The following CACNA2D3 variants were observed in gnomAD, a reference collection of about 807,000 sequenced individuals.
The protein encoded by CACNA2D3 is voltage-dependent calcium channel subunit alpha-2/delta-3.
CACNA2D3 carries 60 observed loss-of-function variants against 160.6 expected under a neutral mutation model. That is an observed-to-expected ratio of 0.37 (90% CI 0.30 to 0.46). The LOEUF is 0.46. Among genes scored for constraint, CACNA2D3 ranks in the 20% least tolerant of loss-of-function variants. The pLI is 1.00. For synonymous variants in CACNA2D3, 558 were observed against 492.9 expected (o/e 1.13, Z -1.75); for missense variants, 1,205 against 1,365.0 (o/e 0.88, Z 1.85).
At chr3:54,920,724 A>G (rs1695962597) in intron 27 of CACNA2D3, among the ~76,000 whole-genome samples, 2 of 152,262 alleles carry the variant, frequency 1.3e-5, no homozygotes, top group Non-Finnish European at 2.9e-5. Flanking sequence ...CGTGATATTT[A>G]ATCCAGCCAG....
At chr3:54,727,988 G>T (rs937044567) in intron 11 of CACNA2D3, among the ~76,000 whole-genome samples, 3 of 152,050 alleles carry the variant, frequency 2.0e-5, no homozygotes, top group Non-Finnish European at 4.4e-5. Flanking sequence ...TTGCTTTTTA[G>T]TATGTTTTTT....
chr3:54,434,367 C>T (rs1700031784), intron 4 of CACNA2D3, among the ~76,000 whole-genome samples: 1 of 152,166 alleles, frequency 6.6e-6, no homozygotes, highest in African/African-American at 2.4e-5. Context: ...CCACACCCAC[C>T]CAGCAGCAGT....
intron 8 of CACNA2D3, 80 bp from the exon 9 acceptor site, chr3:54,581,723 G>T: frequency 8.7e-7 from 1 of 1,147,364 alleles, no homozygotes; most frequent in Admixed American, 2.0e-5. Context: ...TTTTGTTTGT[G>T]TGCGTACCTC....
chr3:54,162,172 G>C (rs904574964), intron 2 of CACNA2D3, among the ~76,000 whole-genome samples: 7 of 152,188 alleles, frequency 4.6e-5, no homozygotes, highest in Non-Finnish European at 1.0e-4. Flanking sequence ...GCTGGGGATA[G>C]AGATGTTTCA....
intron 4 of CACNA2D3, among the ~76,000 whole-genome samples, chr3:54,459,052 T>C (rs901548100): frequency 6.6e-5 from 10 of 152,254 alleles, no homozygotes; most frequent in African/African-American, 2.2e-4. Context: ...GATAGTTTAC[T>C]GAGAATGATG....
At chr3:54,577,282 T>C (rs1702600689) in intron 8 of CACNA2D3, among the ~76,000 whole-genome samples, 1 of 152,088 alleles carries the variant, frequency 6.6e-6, no homozygotes, top group African/African-American at 2.4e-5. Context: ...TGCGTGGGGA[T>C]TTCCCAGTAA....
chr3:54,894,703 A>T (rs1700145807), intron 25 of CACNA2D3: 1 of 482,850 alleles, frequency 2.1e-6, no homozygotes, highest in Admixed American at 2.2e-5. Context: ...TGGGCCAGGC[A>T]ACAGAGGCTC....
intron 2 of CACNA2D3, among the ~76,000 whole-genome samples, chr3:54,256,032 T>G (rs115974526): frequency 0.013 from 1,951 of 152,158 alleles, 36 homozygotes; most frequent in African/African-American, 0.043. Context: ...GAAGTCATTG[T>G]TAAATTTAGG....
intron 13 of CACNA2D3, among the ~76,000 whole-genome samples, chr3:54,807,148 G>A (rs918239956): frequency 7.2e-5 from 11 of 152,140 alleles, no homozygotes; most frequent in African/African-American, 2.7e-4. Flanking sequence ...GCATGGGCAA[G>A]GACTTCATGT....
chr3:54,400,350 A>G (rs895263998), intron 4 of CACNA2D3, among the ~76,000 whole-genome samples: 1 of 151,786 alleles, frequency 6.6e-6, no homozygotes. Context: ...CTTAGAACTC[A>G]GGTGCCAAAA....
At chr3:54,410,204 A>T (rs1699642445) in intron 4 of CACNA2D3, among the ~76,000 whole-genome samples, 1 of 152,050 alleles carries the variant, frequency 6.6e-6, no homozygotes, top group Non-Finnish European at 1.5e-5. Context: ...CACACAAAAA[A>T]ATAGCCAGGC....
chr3:54,997,553 C>G (rs1350392850), intron 31 of CACNA2D3, among the ~76,000 whole-genome samples: 1 of 150,570 alleles, frequency 6.6e-6, no homozygotes, highest in Non-Finnish European at 1.5e-5. Context: ...TCTACCCACC[C>G]CCACCCAAAA....
chr3:54,721,904 C>T (rs575390010), intron 11 of CACNA2D3, among the ~76,000 whole-genome samples: 6 of 152,130 alleles, frequency 3.9e-5, no homozygotes, highest in African/African-American at 1.4e-4. Flanking sequence ...TTGCTCTTCT[C>T]GAGGAGTATC....
chr3:54,694,208 A>C (rs1215307955), intron 11 of CACNA2D3, among the ~76,000 whole-genome samples: 4 of 152,204 alleles, frequency 2.6e-5, no homozygotes, highest in African/African-American at 9.6e-5. Context: ...TTAGATAAAT[A>C]AATACTTACC....
At chr3:54,135,361 G>A (rs1224047967) in intron 2 of CACNA2D3, among the ~76,000 whole-genome samples, 2 of 152,196 alleles carry the variant, frequency 1.3e-5, no homozygotes, top group African/African-American at 2.4e-5. Flanking sequence ...CATGCAGGAG[G>A]AAATCTTTAA....
intron 4 of CACNA2D3, among the ~76,000 whole-genome samples, chr3:54,486,822 A>G (rs1701022220): frequency 6.6e-6 from 1 of 152,110 alleles, no homozygotes; most frequent in Non-Finnish European, 1.5e-5. Flanking sequence ...CTCTTGATTG[A>G]TAGCCCCTCT....
Position 54,162,796 on chromosome 3 carries a change from G to T in CACNA2D3, c.204+39202G>T, listed in dbSNP as rs150586764. ...GTAATGTGCCAGATTCTGTCCTAAG[G>T]ATTCAGAGATACGTAAGACAGATGG... On this transcript the variant is annotated intron_variant, in intron 2 of 37. Transcript: ENST00000474759. 6.2e-4 allele frequency among the ~76,000 whole-genome samples: 94 copies of T among 152,264 alleles called. No homozygotes were observed. In the East Asian group the frequency reaches 0.017, roughly 28 times the overall value.
At chr3:54,908,393 G>C (rs868605373) in intron 27 of CACNA2D3, among the ~76,000 whole-genome samples, 2 of 152,154 alleles carry the variant, frequency 1.3e-5, no homozygotes, top group African/African-American at 4.8e-5. Context: ...TTGTTGAGCT[G>C]TAAGAGTTGT....
chr3:54,761,825 A>T (rs980841582), intron 12 of CACNA2D3, among the ~76,000 whole-genome samples: 7 of 152,082 alleles, frequency 4.6e-5, no homozygotes, highest in Non-Finnish European at 1.0e-4. Context: ...CATGGTCCCA[A>T]CCTGGTTTGG....
Sources: gnomAD v4.1 joint callset for allele counts (sites outside exome capture counted in the v4.1 genomes callset) on GRCh38, gnomAD v4.1.1 for gene constraint, MANE v1.5 for transcripts, NCBI Gene and HGNC (gene_info 2026-07-23, HGNC 2026-07-21) for gene names.